LGSN: variants seen among roughly 807,000 people sequenced by gnomAD.
The protein encoded by LGSN is lengsin.
In LGSN, 21 loss-of-function variants were observed where a neutral mutation model predicts 19.5. The ratio of observed to expected loss-of-function variants is 1.07; its 90% confidence interval spans 0.76 to 1.55. LGSN has a LOEUF of 1.55. LGSN is among the 40% of genes most tolerant of loss of function. The pLI, the probability that LGSN is intolerant of heterozygous loss-of-function variation, is 0.00. For synonymous variants in LGSN, 257 were observed against 215.6 expected (o/e 1.19, Z -1.68); for missense variants, 673 against 608.5 (o/e 1.11, Z -1.12).
chr6:63,536,324 C>T, the LGSN span, among the ~76,000 whole-genome samples: 303 of 152,054 alleles, frequency 2.0e-3, 2 homozygotes, highest in African/African-American at 7.0e-3. Context: ...GAGCTAGATT[C>T]TGTCTCAAAA....
At chr6:63,441,705 T>C in the LGSN span, 1 of 439,046 alleles carries the variant, frequency 2.3e-6, no homozygotes, top group Non-Finnish European at 4.4e-6. Flanking sequence ...CGGGAGCAGA[T>C]CATACCTACC....
the LGSN span, chr6:63,573,504 G>A: frequency 6.6e-6 from 1 of 152,322 alleles, no homozygotes; most frequent in Middle Eastern, 3.4e-3. Context: ...GCGCGGAGAG[G>A]GGGCGCAGCG....
chr6:63,424,073 G>A, the LGSN span, among the ~76,000 whole-genome samples: 849 of 151,870 alleles, frequency 5.6e-3, 8 homozygotes, highest in African/African-American at 0.019. Context: ...GAAAAACTGA[G>A]TAAAATTCTA....
the LGSN span, among the ~76,000 whole-genome samples, chr6:63,509,209 C>T: frequency 2.6e-5 from 4 of 151,706 alleles, no homozygotes; most frequent in East Asian, 2.0e-4. Context: ...GGATTACAGG[C>T]GCACACCACC....
the LGSN span, among the ~76,000 whole-genome samples, chr6:63,451,447 G>A: frequency 1.3e-5 from 2 of 152,206 alleles, no homozygotes; most frequent in African/African-American, 2.4e-5. Context: ...GCAGGGGCAT[G>A]GGTGGAGCTA....
At chr6:63,450,953 GT>G in the LGSN span, among the ~76,000 whole-genome samples, 1 of 152,106 alleles carries the variant, frequency 6.6e-6, no homozygotes, top group Admixed American at 6.5e-5. Context: ...AGGATTACAG[GT>G]GTGAGCCACC....
chr6:63,333,345 C>A, the LGSN span, among the ~76,000 whole-genome samples: 1 of 149,306 alleles, frequency 6.7e-6, no homozygotes, highest in African/African-American at 2.5e-5. Context: ...ACAAGCCTTA[C>A]AAAAAGTCGA....
the LGSN span, among the ~76,000 whole-genome samples, chr6:63,500,780 T>C: frequency 1.3e-5 from 2 of 151,178 alleles, no homozygotes; most frequent in Non-Finnish European, 2.9e-5. Flanking sequence ...CAGGCTGGAG[T>C]GCAGTGATGC....
At chr6:63,332,475 C>A in the LGSN span, among the ~76,000 whole-genome samples, 4 of 152,118 alleles carry the variant, frequency 2.6e-5, no homozygotes, top group African/African-American at 9.7e-5. Flanking sequence ...GACCCCAGAG[C>A]TGCATGGCTT....
chr6:63,537,415 C>T, the LGSN span, among the ~76,000 whole-genome samples: 1 of 152,268 alleles, frequency 6.6e-6, no homozygotes, highest in South Asian at 2.1e-4. Flanking sequence ...GATTTCAACA[C>T]CAATGCCCAG....
chr6:63,529,245 A>C, the LGSN span, among the ~76,000 whole-genome samples: 1 of 150,618 alleles, frequency 6.6e-6, no homozygotes, highest in Non-Finnish European at 1.5e-5. Flanking sequence ...CTTTCATATA[A>C]TTTAGACAGG....
chr6:63,534,173 C>T, the LGSN span, among the ~76,000 whole-genome samples: 2 of 151,952 alleles, frequency 1.3e-5, no homozygotes, highest in Non-Finnish European at 2.9e-5. Context: ...TGGAAACTGC[C>T]ATTCATCACA....
At chr6:63,551,305 A>G in the LGSN span, among the ~76,000 whole-genome samples, 1 of 152,138 alleles carries the variant, frequency 6.6e-6, no homozygotes, top group Admixed American at 6.5e-5. Context: ...ACCTCAGGTG[A>G]TCTGCCTGTC....
At chr6:63,530,157 CA>C in the LGSN span, among the ~76,000 whole-genome samples, 3 of 152,092 alleles carry the variant, frequency 2.0e-5, no homozygotes, top group Middle Eastern at 3.4e-3. Flanking sequence ...TGGAACCATC[CA>C]AAATGATATA....
chr6:63,535,554 G>T, the LGSN span, among the ~76,000 whole-genome samples: 1 of 152,132 alleles, frequency 6.6e-6, no homozygotes, highest in African/African-American at 2.4e-5. Context: ...AAAATTAGTG[G>T]CATTTGCCAG....
chr6:63,461,186 G>A, the LGSN span, among the ~76,000 whole-genome samples: 6 of 152,120 alleles, frequency 3.9e-5, no homozygotes, highest in South Asian at 2.1e-4. Context: ...GAGTAGCTGC[G>A]ATTACAAGCA....
the LGSN span, among the ~76,000 whole-genome samples, chr6:63,501,620 T>C: frequency 1.3e-5 from 2 of 151,952 alleles, no homozygotes; most frequent in Non-Finnish European, 2.9e-5. Context: ...TTTAAGTAAT[T>C]GTTGGATTTT....
the LGSN span, among the ~76,000 whole-genome samples, chr6:63,332,556 G>T: frequency 6.6e-6 from 1 of 152,082 alleles, no homozygotes; most frequent in South Asian, 2.1e-4. Flanking sequence ...GCAAATCAAC[G>T]GTCCCAACTC....
At chr6:63,348,693 T>C in the LGSN span, among the ~76,000 whole-genome samples, 1 of 151,792 alleles carries the variant, frequency 6.6e-6, no homozygotes, top group Non-Finnish European at 1.5e-5. Context: ...TTATTTAGTA[T>C]CTTAACCCAA....
Sources: gnomAD v4.1 joint callset for allele counts (sites outside exome capture counted in the v4.1 genomes callset) on GRCh38, gnomAD v4.1.1 for gene constraint, MANE v1.5 for transcripts, NCBI Gene and HGNC (gene_info 2026-07-23, HGNC 2026-07-21) for gene names.